KCNQ5: variants seen among roughly 807,000 people sequenced by gnomAD.
KCNQ5 encodes potassium voltage-gated channel subfamily KQT member 5.
A neutral mutation model predicts 98.2 loss-of-function variants in KCNQ5; 30 were observed. The observed-to-expected ratio is 0.31, with a 90% CI of 0.23 to 0.41. The LOEUF is 0.41. KCNQ5 is among the 10% of genes least tolerant of loss of function. The pLI, the probability that KCNQ5 is intolerant of heterozygous loss-of-function variation, is 1.00. For synonymous variants in KCNQ5, 458 were observed against 449.4 expected, an observed-to-expected ratio of 1.02 and a Z score of -0.24; for missense variants, 835 against 1,182.5, an observed-to-expected ratio of 0.71 and a Z score of 4.31.
intron 1 of KCNQ5, among the ~76,000 whole-genome samples, chr6:72,901,634 CT>C (rs1205050524): frequency 6.6e-6 from 1 of 152,082 alleles, no homozygotes; most frequent in African/African-American, 2.4e-5. Flanking sequence ...TTTTTGTTTG[CT>C]TTGTCAAAGA....
chr6:72,695,510 A>G (rs1408527294), intron 1 of KCNQ5, among the ~76,000 whole-genome samples: 1 of 152,006 alleles, frequency 6.6e-6, no homozygotes, highest in Non-Finnish European at 1.5e-5. Flanking sequence ...CATCCCATTC[A>G]CCTCTTTTCC....
intron 3 of KCNQ5, among the ~76,000 whole-genome samples, chr6:73,067,681 C>T (rs9341400): frequency 0.93 from 140,840 of 152,150 alleles, 65,750 homozygotes; most frequent in East Asian, 0.99. Context: ...CAGCCTCATA[C>T]ATCAGAGGTA....
chr6:73,067,360 A>G lies in KCNQ5; in HGVS notation c.617-9962A>G, dbSNP rs78283110. Among the ~76,000 whole-genome samples, 1,302 of 152,304 alleles carry G rather than the reference A, an allele frequency of 8.5e-3. 9 individuals carry two copies. Among genetic ancestry groups the G allele is most frequent in the East Asian group, 0.05 (259 of 5,188 alleles). On this transcript the variant is annotated intron_variant, in intron 3 of 13. Coordinates refer to ENST00000370398, the MANE Select transcript of KCNQ5 (RefSeq NM_019842.4). The stretch of plus-strand genomic sequence containing the variant: ...AAAGTGAAGGGAAAGGTATATCTAT[A>G]AAACATTTTTTTTTAGATTGAGAGT...
chr6:72,766,543 G>A (rs1427297940), intron 1 of KCNQ5, among the ~76,000 whole-genome samples: 4 of 151,958 alleles, frequency 2.6e-5, no homozygotes, highest in Non-Finnish European at 5.9e-5. Flanking sequence ...AGATGATGGT[G>A]GATTGGCCTA....
chr6:72,649,561 A>G (rs1765772653), intron 1 of KCNQ5, among the ~76,000 whole-genome samples: 1 of 152,136 alleles, frequency 6.6e-6, no homozygotes, highest in Non-Finnish European at 1.5e-5. Flanking sequence ...TACTCTACTA[A>G]CCACCATCAA....
intron 2 of KCNQ5, among the ~76,000 whole-genome samples, chr6:73,018,288 G>A (rs1176447413): frequency 6.6e-6 from 1 of 152,094 alleles, no homozygotes; most frequent in African/African-American, 2.4e-5. Context: ...CTACAGCGGT[G>A]GAGAATTGGA....
intron 1 of KCNQ5, among the ~76,000 whole-genome samples, chr6:72,682,990 C>T (rs1767779581): frequency 2.0e-5 from 3 of 152,202 alleles, no homozygotes; most frequent in Admixed American, 2.0e-4. Context: ...AGGACAGCTT[C>T]TTTAAGGATG....
intron 2 of KCNQ5, among the ~76,000 whole-genome samples, chr6:73,020,194 T>C (rs1582202052): frequency 1.3e-5 from 2 of 152,180 alleles, no homozygotes; most frequent in African/African-American, 4.8e-5. Flanking sequence ...CTCAGTCCCA[T>C]GAGACTGCCC....
Position 73,098,481 on chromosome 6 carries a change from A to G in KCNQ5, c.919-6776A>G, listed in dbSNP as rs116419796. Among the ~76,000 whole-genome samples, 1,490 of 152,308 alleles carry G rather than the reference A, an allele frequency of 9.8e-3. 29 individuals are homozygous for G. Among genetic ancestry groups the G allele is most frequent in the African/African-American group, 0.034 (1,425 of 41,562 alleles). ...AATAAACTTGCAAAATTCAAGGATA[A>G]AGAAAAGATTTTATAAGCAGCAAAA... On this transcript the variant is annotated intron_variant, in intron 5 of 13. Coordinates refer to ENST00000370398, the MANE Select transcript of KCNQ5 (RefSeq NM_019842.4).
chr6:72,717,051 A>G (rs1171542193), intron 1 of KCNQ5, among the ~76,000 whole-genome samples: 1 of 152,214 alleles, frequency 6.6e-6, no homozygotes, highest in Non-Finnish European at 1.5e-5. Flanking sequence ...ATTTGTGAGC[A>G]TGTTTCTGAT....
chr6:72,741,580 C>A (rs1352440782), intron 1 of KCNQ5, among the ~76,000 whole-genome samples: 2 of 152,110 alleles, frequency 1.3e-5, no homozygotes, highest in Non-Finnish European at 2.9e-5. Flanking sequence ...CCAAGTTATT[C>A]AGGTGCTTCT....
chr6:73,107,912 A>G (rs1260484655), intron 6 of KCNQ5, among the ~76,000 whole-genome samples: 2 of 152,186 alleles, frequency 1.3e-5, no homozygotes, highest in Admixed American at 6.5e-5. Flanking sequence ...TGGTCCATAT[A>G]TACCTTTAGA....
At chr6:72,901,403 T>C (rs1241955583) in intron 1 of KCNQ5, among the ~76,000 whole-genome samples, 1 of 152,190 alleles carries the variant, frequency 6.6e-6, no homozygotes, top group African/African-American at 2.4e-5. Context: ...TTTGGCTTCT[T>C]GGTCATGAAA....
intron 1 of KCNQ5, among the ~76,000 whole-genome samples, chr6:72,781,531 G>T (rs1157045239): frequency 6.6e-6 from 1 of 152,064 alleles, no homozygotes; most frequent in Non-Finnish European, 1.5e-5. Flanking sequence ...GATCTCATGG[G>T]CCTGCCATCT....
At position 73,194,831 on chromosome 6, in the gene KCNQ5, C is replaced by A. The variant is rs768143725; in HGVS notation, c.2216C>A (p.Ala739Glu). The A allele has an allele frequency of 6.2e-7, 1 of 1,614,082 alleles. No homozygotes were observed. Among genetic ancestry groups the A allele is most frequent in the African/African-American group, 1.3e-5 (1 of 74,932 alleles). Residue 739 changes from alanine to glutamate, a missense_variant, in exon 14 of 14, where the codon GCA becomes GAA. By Grantham distance (107) the Ala-to-Glu change is moderately radical. Coordinates refer to ENST00000370398, the MANE Select transcript of KCNQ5 (RefSeq NM_019842.4). ...ACCATTGCAAACCAAATAAATACGG[C>A]ACCCAAGCCAGCAGCCCCAACAACT... ...TNTIANQINT[A>E]PKPAAPTTLQ... is the part of the protein sequence containing the mutation.
chr6:72,815,353 TGTG>T (rs1775457710), intron 1 of KCNQ5, among the ~76,000 whole-genome samples: 1 of 152,200 alleles, frequency 6.6e-6, no homozygotes, highest in Non-Finnish European at 1.5e-5. Flanking sequence ...TAAAGTTCTA[TGTG>T]GTATAAACAA....
chr6:72,782,523 T>C (rs998835223), intron 1 of KCNQ5, among the ~76,000 whole-genome samples: 8 of 152,078 alleles, frequency 5.3e-5, no homozygotes, highest in Non-Finnish European at 1.0e-4. Flanking sequence ...CTGAAAAGTG[T>C]TTGTGGTTGT....
intron 5 of KCNQ5, among the ~76,000 whole-genome samples, chr6:73,095,611 G>A (rs759354519): frequency 3.9e-5 from 6 of 152,118 alleles, no homozygotes; most frequent in Non-Finnish European, 8.8e-5. Flanking sequence ...GTACCACAGG[G>A]TGTTCCCTTG....
intron 1 of KCNQ5, among the ~76,000 whole-genome samples, chr6:72,791,415 C>A (rs1425218715): frequency 6.6e-6 from 1 of 152,070 alleles, no homozygotes; most frequent in Non-Finnish European, 1.5e-5. Context: ...TTTCTCCTAC[C>A]CAATGCCCTC....
Sources: allele counts gnomAD v4.1 joint callset (sites outside exome capture counted in the v4.1 genomes callset), GRCh38; gene constraint gnomAD v4.1.1; transcripts MANE v1.5; gene names NCBI Gene and HGNC (gene_info 2026-07-23, HGNC 2026-07-21).